WNK2: variants seen among roughly 807,000 people sequenced by gnomAD.
WNK2 encodes WNK lysine deficient protein kinase 2.
WNK2 carries 67 observed loss-of-function variants against 192.1 expected under a neutral mutation model. The ratio of observed to expected loss-of-function variants is 0.35; its 90% confidence interval spans 0.29 to 0.43. WNK2 has a LOEUF of 0.43. WNK2 is among the 20% of genes least tolerant of loss of function. The probability of loss-of-function intolerance (pLI) is 1.00; values close to 1 mark genes in which losing one functional copy is unlikely to be tolerated. For missense variants in WNK2, 2,698 were observed against 3,089.7 expected (o/e 0.87, Z 3.01); for synonymous variants, 1,439 against 1,393.9 (o/e 1.03, Z -0.72).
intron 2 of WNK2, among the ~76,000 whole-genome samples, chr9:93,227,354 C>T (rs1204024614): frequency 6.6e-6 from 1 of 152,128 alleles, no homozygotes; most frequent in Non-Finnish European, 1.5e-5. Context: ...AGTTCGTGAT[C>T]CGCCCGCCTC....
chr9:93,280,965 A>T, intron 19 of WNK2, among the ~76,000 whole-genome samples: 1 of 152,220 alleles, frequency 6.6e-6, no homozygotes, highest in Non-Finnish European at 1.5e-5. Flanking sequence ...CTGAATGAAA[A>T]GACACAAGGA....
Position 93,320,234 on chromosome 9 carries a change from C to G in WNK2, c.6629-133C>G, listed in dbSNP as rs530009787. 8.9e-5 allele frequency: 86 copies of G among 965,442 alleles called. No individual in the cohort carries two copies. The African/African-American group carries it at 1.2e-3, about 13-fold the overall frequency. 59.8% of individuals were successfully genotyped at this position (965,442 alleles called of 1,614,324 possible). On this transcript the variant is annotated intron_variant, in intron 29 of 29. Transcript: ENST00000427277. ...TGTGCTGAGGACAAGACCATCTACA[C>G]AGGGCGTGGGTCATGGCAGAGCTGG...
chr9:93,263,561 C>T lies in WNK2; in HGVS notation c.3411-5C>T, dbSNP rs1408376408. On this transcript the variant is annotated splice_region_variant and splice_polypyrimidine_tract_variant and intron_variant, in intron 14 of 29. Transcript: ENST00000427277. ...GTGCCATTAATGTTCTTGGGTTTTG[C>T]TCAGCTATGGAGGTTCTGATGTCAC... 6.2e-7 allele frequency: 1 copy of T among 1,611,162 alleles called. No homozygotes were observed. Among genetic ancestry groups the T allele is most frequent in the Non-Finnish European group, 8.5e-7 (1 of 1,179,230 alleles).
chr9:93,218,876 C>G (rs1189845788), intron 2 of WNK2, among the ~76,000 whole-genome samples: 2 of 152,240 alleles, frequency 1.3e-5, no homozygotes, highest in African/African-American at 4.8e-5. Context: ...CCCTCTTCCC[C>G]CTGCCTCCGA....
At chr9:93,299,398 A>AT (rs1410724852) in intron 25 of WNK2, 137 bp downstream of exon 25, 15 of 880,972 alleles carry the variant, frequency 1.7e-5, no homozygotes, top group Middle Eastern at 2.6e-4. Flanking sequence ...TTTAAAAAGG[A>AT]TAAAAAAAAA....
At chr9:93,244,219 T>G (rs1048389313) in intron 7 of WNK2, among the ~76,000 whole-genome samples, 5 of 152,128 alleles carry the variant, frequency 3.3e-5, no homozygotes, top group African/African-American at 1.2e-4. Context: ...GAGCTCTCCT[T>G]CCCCTGAAGT....
intron 7 of WNK2, among the ~76,000 whole-genome samples, chr9:93,241,121 C>T (rs1396944101): frequency 2.6e-5 from 4 of 152,258 alleles, no homozygotes; most frequent in Non-Finnish European, 5.9e-5. Flanking sequence ...AGGGCCAACA[C>T]TGCTGCCTGA....
At chr9:93,320,247 A>G (rs1444547647) in intron 29 of WNK2, 120 bp from the exon 30 acceptor site, 2 of 1,150,830 alleles carry the variant, frequency 1.7e-6, no homozygotes, top group African/African-American at 1.6e-5. Flanking sequence ...GGCGTGGGTC[A>G]TGGCAGAGCT....
chr9:93,279,797 C>T (rs1847451908), intron 19 of WNK2, among the ~76,000 whole-genome samples: 1 of 152,134 alleles, frequency 6.6e-6, no homozygotes, highest in South Asian at 2.1e-4. Context: ...AAATGACTTT[C>T]AGGAAAGTGA....
chr9:93,214,697 G>GCCCCCCCCCCCCCC (rs371026822), intron 2 of WNK2, among the ~76,000 whole-genome samples: 1 of 80,224 alleles, frequency 1.2e-5, no homozygotes, highest in Non-Finnish European at 2.5e-5. Flanking sequence ...TGAAGGTAGT[G>GCCCCCCCCCCCCCC]CCCCCCCCCC....
chr9:93,269,200 CTG>C (rs1845675731), intron 19 of WNK2, among the ~76,000 whole-genome samples: 2 of 102,868 alleles, frequency 1.9e-5, no homozygotes, highest in African/African-American at 3.0e-5. Context: ...ACATTTATCA[CTG>C]TGCATTGATC....
chr9:93,318,396 G>A, intron 29 of WNK2: 4 of 1,614,024 alleles, frequency 2.5e-6, no homozygotes, highest in Non-Finnish European at 3.4e-6. Flanking sequence ...GGTTCCCTGG[G>A]CTCATCCAGG....
Position 93,185,458 on chromosome 9 carries a change from G to C in WNK2, c.529G>C (p.Glu177Gln). 1 of 1,612,556 alleles carries C rather than the reference G, an allele frequency of 6.2e-7. No homozygotes were observed. Among genetic ancestry groups the C allele is most frequent in the Non-Finnish European group, 8.5e-7 (1 of 1,179,692 alleles). Residue 177 changes from glutamate (E) to glutamine (Q), a missense_variant, in exon 2 of 30, where the codon GAG becomes CAG. Glu to Gln is a conservative substitution (Grantham distance 29). Around this residue, in one of 7 missense-constraint regions of WNK2, gnomAD observed 260 missense variants for 285.6 expected, o/e 0.91. Transcript: ENST00000427277. ...RTRRDEPEEE[E>Q]DDEDDLKAVA... ...TCGCCGGGACGAGCCCGAAGAGGAG[G>C]AGGACGACGAGGACGACCTCAAGGC...
chr9:93,258,121 T>C (rs1292549844), intron 11 of WNK2, among the ~76,000 whole-genome samples: 1 of 152,220 alleles, frequency 6.6e-6, no homozygotes, highest in South Asian at 2.1e-4. Flanking sequence ...ATCTTGCTCG[T>C]TCAGACAGAC....
chr9:93,261,405 G>T (rs1161288548), intron 12 of WNK2, among the ~76,000 whole-genome samples: 3 of 152,184 alleles, frequency 2.0e-5, no homozygotes, highest in Non-Finnish European at 1.5e-5. Flanking sequence ...CCAGGAGGCG[G>T]CAGGTGTCAG....
chr9:93,210,381 G>A (rs1834288743), intron 2 of WNK2, among the ~76,000 whole-genome samples: 1 of 152,116 alleles, frequency 6.6e-6, no homozygotes. Context: ...CACAGTGTGA[G>A]CCTGGGGCAG....
rs1851184868 is a variant in WNK2, at chr9:93,299,331, AC to A, written c.6115+71del. 3.4e-6 allele frequency: 5 copies of A among 1,490,234 alleles called. No individual in the cohort carries two copies. The Admixed American group carries it at 1.1e-4, about 33-fold the overall frequency. The allele number at this position is 1,490,234 out of a possible 1,614,324, so 92.3% of individuals were successfully genotyped here. A position where few individuals can be genotyped will look rare whatever the true frequency, so the allele number is the denominator to read the frequency against. On this transcript the variant is annotated intron_variant, in intron 25 of 29. Transcript: ENST00000427277. ...GGGCCTCAGTGGTGTCCCCAGGAGC[AC>A]GCCCGTGTTGTGTAGAGGGGTTGCA...
intron 2 of WNK2, among the ~76,000 whole-genome samples, chr9:93,200,870 G>A (rs1322676528): frequency 1.3e-5 from 2 of 152,174 alleles, no homozygotes; most frequent in African/African-American, 4.8e-5. Flanking sequence ...TTAGCTTGGG[G>A]AAAAGGGCAA....
chr9:93,268,504 A>G, intron 18 of WNK2, 123 bp from the exon 19 acceptor site: 1 of 1,447,364 alleles, frequency 6.9e-7, no homozygotes, highest in South Asian at 1.2e-5. Flanking sequence ...TCCTGGAGAA[A>G]ATCCCATAGG....
Sources: gnomAD v4.1 joint callset for allele counts (sites outside exome capture counted in the v4.1 genomes callset) on GRCh38, gnomAD v4.1.1 for gene constraint, gnomAD v4.1.1 regional missense constraint, MANE v1.5 for transcripts, NCBI Gene and HGNC (gene_info 2026-07-23, HGNC 2026-07-21) for gene names.